DNAI3: variants seen among roughly 807,000 people sequenced by gnomAD.
DNAI3 encodes the protein dynein axonemal intermediate chain 3, also known as WD repeat domain 63.
Under a neutral mutation model 115.5 loss-of-function variants are expected in DNAI3, and 83 were observed. The ratio of observed to expected loss-of-function variants is 0.72; its 90% CI spans 0.60 to 0.86. The LOEUF (loss-of-function observed/expected upper bound fraction) is 0.86, where lower values mean the gene tolerates loss of function less well. DNAI3 is among the 40% of genes least tolerant of loss of function. The pLI, the probability that DNAI3 is intolerant of heterozygous loss-of-function variation, is 0.00. For synonymous variants in DNAI3, 320 were observed against 347.0 expected, an observed-to-expected ratio of 0.92 and a Z score of 0.86; for missense variants, 1,004 against 1,075.8, an observed-to-expected ratio of 0.93 and a Z score of 0.93.
chr1:85,111,843 T>C (rs1224866774), intron 16 of DNAI3, among the ~76,000 whole-genome samples: 1 of 152,146 alleles, frequency 6.6e-6, no homozygotes, highest in African/African-American at 2.4e-5. Context: ...TAATTTGATA[T>C]GCTTTGACAT....
chr1:85,085,633 C>A (rs901496562), intron 6 of DNAI3, among the ~76,000 whole-genome samples, 198 bp from the exon 7 acceptor site: 10 of 152,184 alleles, frequency 6.6e-5, no homozygotes, highest in African/African-American at 2.2e-4. Flanking sequence ...CACCTGCTGG[C>A]AAAGTGGTCC....
intron 16 of DNAI3, among the ~76,000 whole-genome samples, chr1:85,117,004 G>T (rs1350439821): frequency 5.9e-5 from 9 of 151,998 alleles, no homozygotes; most frequent in Admixed American, 5.9e-4. Flanking sequence ...GTTTTCACTT[G>T]TCTGTTTGTT....
Position 85,098,533 on chromosome 1 carries a change from A to G in DNAI3, c.1354A>G (p.Met452Val), listed in dbSNP as rs980679834. The change falls in exon 13 of 23, where the codon ATG becomes GTG. Residue 452 changes from methionine (M) to valine (V), a missense_variant. This residue lies in a region of DNAI3 where 550 missense variants were observed against 568.1 expected (regional missense o/e 0.97). Coordinates refer to ENST00000294664, the MANE Select transcript of DNAI3 (RefSeq NM_145172.5). The part of the protein sequence containing the change: ...SRSKRATLKP[M>V]FLLEPESNKE... The stretch of plus-strand genomic sequence containing the variant: ...ACTTTCTTTTAATATTTTTCAGCCT[A>G]TGTTTCTCCTTGAACCGGAGAGTAA... 1.2e-6 allele frequency: 2 copies of G among 1,610,728 alleles called. No individual in the cohort carries two copies. The highest frequency in any genetic ancestry group is 1.7e-6 in the Non-Finnish European group (2 of 1,179,028).
chr1:85,093,432 T>C (rs959524709), intron 8 of DNAI3, 26 bp from the exon 9 acceptor site: 3 of 1,542,874 alleles, frequency 1.9e-6, no homozygotes. Context: ...AATATCTTAA[T>C]TGCTTTTTTT....
intron 16 of DNAI3, among the ~76,000 whole-genome samples, chr1:85,117,144 T>C (rs781425084): frequency 2.0e-5 from 3 of 152,098 alleles, no homozygotes; most frequent in Non-Finnish European, 4.4e-5. Flanking sequence ...GAATATCATA[T>C]TTTCAAAAAT....
chr1:85,078,654 G>T (rs1054350182), intron 3 of DNAI3, among the ~76,000 whole-genome samples: 1 of 152,190 alleles, frequency 6.6e-6, no homozygotes, highest in Non-Finnish European at 1.5e-5. Flanking sequence ...ACAGTATTTG[G>T]CTGGTGACCC....
intron 17 of DNAI3, among the ~76,000 whole-genome samples, chr1:85,119,627 C>A (rs1326096367): frequency 6.6e-6 from 1 of 152,136 alleles, no homozygotes; most frequent in Admixed American, 6.6e-5. Context: ...AAGATTCGTC[C>A]CCTGCCTATC....
intron 4 of DNAI3, 94 bp from the exon 5 acceptor site, chr1:85,082,206 T>C: frequency 1.0e-6 from 1 of 952,626 alleles, no homozygotes; most frequent in South Asian, 1.6e-5. Flanking sequence ...CTTCTATAAT[T>C]GGTTGATTAG....
intron 1 of DNAI3, 43 bp from the exon 2 acceptor site, chr1:85,071,885 G>T: frequency 6.5e-7 from 1 of 1,547,332 alleles, no homozygotes; most frequent in Non-Finnish European, 8.8e-7. Context: ...TAAGTTGTTT[G>T]CAAATTGTAA....
chr1:85,074,609 C>T (rs12035942), intron 3 of DNAI3, among the ~76,000 whole-genome samples: 1 of 152,296 alleles, frequency 6.6e-6, no homozygotes, highest in East Asian at 1.9e-4. Context: ...TCACCTATTA[C>T]CTTGTTTAAT....
chr1:85,098,784 T>A lies in DNAI3; in HGVS notation c.1479+126T>A. 8.7e-6 allele frequency: 12 copies of A among 1,385,370 alleles called. No homozygotes were observed. The Admixed American group carries it at 1.1e-4, about 13-fold the overall frequency. The allele number at this position is 1,385,370 out of a possible 1,614,324, so 85.8% of individuals were successfully genotyped here. ...TTGTGAAATAACCAGGAACTAAGCATCAAAAAATGGGGTTACTGTTGCCAG... is the reference window on the plus strand; with the variant it reads ...TTGTGAAATAACCAGGAACTAAGCAACAAAAAATGGGGTTACTGTTGCCAG... On this transcript the variant is annotated intron_variant, in intron 13 of 22. Coordinates refer to ENST00000294664, the MANE Select transcript of DNAI3 (RefSeq NM_145172.5).
chr1:85,098,531 C>G lies in DNAI3; in HGVS notation c.1352C>G (p.Pro451Arg). ...GSRSKRATLK[P>R]MFLLEPESNK... ...TAACTTTCTTTTAATATTTTTCAGC[C>G]TATGTTTCTCCTTGAACCGGAGAGT... The change falls in exon 13 of 23, where the codon CCT (proline) becomes CGT (arginine). Residue 451 changes from proline (P) to arginine (R), a missense_variant and splice_region_variant. By Grantham distance (103) the Pro-to-Arg change is moderately radical. This residue lies in a region of DNAI3 where 550 missense variants were observed against 568.1 expected (regional missense o/e 0.97). Coordinates refer to ENST00000294664, the MANE Select transcript of DNAI3 (RefSeq NM_145172.5). 1 of 1,610,046 alleles carries G rather than the reference C, an allele frequency of 6.2e-7. No individual in the cohort carries two copies. Among genetic ancestry groups the G allele is most frequent in the Non-Finnish European group, 8.5e-7 (1 of 1,178,820 alleles).
At position 85,090,069 on chromosome 1, in the gene DNAI3, C is replaced by T. The variant is rs868416142; in HGVS notation, c.741-47C>T. 2.9e-6 allele frequency: 3 copies of T among 1,031,890 alleles called. No individual in the cohort carries two copies. The Middle Eastern group carries it at 6.7e-4, about 230-fold the overall frequency. 63.9% of individuals were successfully genotyped at this position (1,031,890 alleles called of 1,614,324 possible). A position where few individuals can be genotyped will look rare whatever the true frequency, so the allele number is the denominator to read the frequency against. Reference sequence around the variant, plus strand: ...TGACCTGTTGTGGCCCATATTTGCTCTTCTTTGACCTAATCTTTAGTATTG... The same window carrying T: ...TGACCTGTTGTGGCCCATATTTGCTTTTCTTTGACCTAATCTTTAGTATTG... On this transcript the variant is annotated intron_variant, in intron 7 of 22. Coordinates refer to ENST00000294664, the MANE Select transcript of DNAI3 (RefSeq NM_145172.5).
At position 85,084,696 on chromosome 1, in the gene DNAI3, GT is replaced by G; in HGVS notation, c.540+3del. The G allele has an allele frequency of 6.7e-7, 1 of 1,500,728 alleles. No homozygotes were observed. Among genetic ancestry groups the G allele is most frequent in the South Asian group, 1.4e-5 (1 of 71,238 alleles). The allele number at this position is 1,500,728 out of a possible 1,614,324, so 93.0% of individuals were successfully genotyped here. On this transcript the variant is annotated splice_donor_variant, in intron 6 of 22. Coordinates refer to ENST00000294664, the MANE Select transcript of DNAI3 (RefSeq NM_145172.5). LOFTEE classifies it high-confidence loss of function. ...ATCAGTTACGGAATCTACAAAGCAG[GT>G]TAGAGGGTTATATATGATCTGTAAT...
chr1:85,080,368 C>T (rs1157304459), intron 3 of DNAI3, among the ~76,000 whole-genome samples: 1 of 152,062 alleles, frequency 6.6e-6, no homozygotes, highest in Admixed American at 6.6e-5. Context: ...GACCATTGAG[C>T]AAATCTGCAT....
chr1:85,126,575 C>T lies in DNAI3; in HGVS notation c.2177C>T (p.Thr726Ile). The T allele has an allele frequency of 6.2e-7, 1 of 1,614,170 alleles. No individual in the cohort carries two copies. Among genetic ancestry groups the T allele is most frequent in the South Asian group, 1.1e-5 (1 of 91,086 alleles). ...KRYTSGHWSL[T>I]RPGVFYIGRE... ...TACACCTCAGGCCACTGGTCCCTGA[C>T]TCGGCCCGGAGTTTTCTACATCGGC... The change falls in exon 20 of 23, where the codon ACT (threonine) becomes ATT (isoleucine). Residue 726 changes from threonine to isoleucine, a missense_variant. Around this residue, in one of 3 missense-constraint regions of DNAI3, gnomAD observed 429 missense variants for 454.3 expected, o/e 0.94. Transcript: ENST00000294664.
At chr1:85,063,469 T>A (rs1264190904) in intron 1 of DNAI3, among the ~76,000 whole-genome samples, 1 of 152,180 alleles carries the variant, frequency 6.6e-6, no homozygotes, top group Admixed American at 6.5e-5. Flanking sequence ...GTGAAAGTAC[T>A]GAAGGCCATA....
chr1:85,108,013 T>A lies in DNAI3; in HGVS notation c.1554-20T>A, dbSNP rs370200744. On this transcript the variant is annotated intron_variant, in intron 14 of 22. Coordinates refer to ENST00000294664, the MANE Select transcript of DNAI3 (RefSeq NM_145172.5). ...CCTCTTGTTTGTACTTAATAAAAAA[T>A]ATATATAAATTTTTTTTAGCACAAT... 1,176 of 1,429,430 alleles carry A rather than the reference T, an allele frequency of 8.2e-4. 6 individuals are homozygous for A. In the African/African-American group the frequency reaches 0.019, roughly 23 times the overall value. The allele number at this position is 1,429,430 out of a possible 1,614,324, so 88.5% of individuals were successfully genotyped here.
At chr1:85,075,918 C>A (rs1654437912) in intron 3 of DNAI3, among the ~76,000 whole-genome samples, 1 of 152,146 alleles carries the variant, frequency 6.6e-6, no homozygotes. Context: ...GCTGCTGTAA[C>A]AAATTGCCAC....
Sources: allele counts gnomAD v4.1 joint callset (sites outside exome capture counted in the v4.1 genomes callset), GRCh38; gene constraint gnomAD v4.1.1; regional missense constraint gnomAD v4.1.1; transcripts MANE v1.5; gene names NCBI Gene and HGNC (gene_info 2026-07-23, HGNC 2026-07-21).